The following CLDN10 variants were observed in gnomAD, a reference collection of about 807,000 sequenced individuals.
CLDN10 encodes the protein claudin 10.
Under a neutral mutation model 22.9 loss-of-function variants are expected in CLDN10, and 15 were observed. The observed-to-expected ratio is 0.65, with a 90% CI of 0.44 to 1.01. CLDN10 has a LOEUF of 1.01. CLDN10 is among the 50% of genes least tolerant of loss of function. The pLI is 0.00. For missense variants in CLDN10, 247 were observed against 287.8 expected, an observed-to-expected ratio of 0.86 and a Z score of 1.03; for synonymous variants, 114 against 111.4, an observed-to-expected ratio of 1.02 and a Z score of -0.15.
intron 1 of CLDN10, among the ~76,000 whole-genome samples, chr13:95,473,025 A>G (rs2042650906): frequency 1.3e-5 from 2 of 151,966 alleles, no homozygotes; most frequent in African/African-American, 4.8e-5. Context: ...CTGTGGTCCC[A>G]GCTACTCAAC....
At position 95,577,287 on chromosome 13, in the gene CLDN10, T is replaced by C. The variant is rs902998167; in HGVS notation, c.521T>C (p.Ile174Thr). Residue 174 changes from isoleucine (I) to threonine (T), a missense_variant, in exon 4 of 5, where the codon ATT (isoleucine) becomes ACT (threonine). Transcript: ENST00000299339. ...IGWAGASLCI[I>T]GGVIFCFSIS... ...TGGGCAGGAGCCTCACTGTGCATAA[T>C]TGGTGGTGTCATATTTTGCTTTTCA... 1.9e-6 allele frequency: 3 copies of C among 1,614,056 alleles called. No homozygotes were observed. Among genetic ancestry groups the C allele is most frequent in the African/African-American group, 1.3e-5 (1 of 74,924 alleles).
At chr13:95,554,902 A>G (rs1412584464) in intron 1 of CLDN10, among the ~76,000 whole-genome samples, 2 of 152,042 alleles carry the variant, frequency 1.3e-5, no homozygotes, top group Admixed American at 6.6e-5. Context: ...ATTTCTGTAG[A>G]CTCCATTCCA....
chr13:95,485,352 A>G (rs1201581441), intron 1 of CLDN10, among the ~76,000 whole-genome samples: 1 of 152,162 alleles, frequency 6.6e-6, no homozygotes, highest in Non-Finnish European at 1.5e-5. Flanking sequence ...GAGAACTTGC[A>G]GTTAATCCAT....
At chr13:95,463,679 G>A (rs752858113) in intron 1 of CLDN10, among the ~76,000 whole-genome samples, 2 of 151,996 alleles carry the variant, frequency 1.3e-5, no homozygotes, top group Non-Finnish European at 2.9e-5. Context: ...CACAGGTTTA[G>A]CCATGTGACA....
chr13:95,492,821 C>T lies in CLDN10; in HGVS notation c.214+58774C>T, dbSNP rs9671165. On this transcript the variant is annotated intron_variant, in intron 1 of 4. Coordinates refer to the CLDN10 transcript ENST00000376873. ...AGGCAGGAATGGGCTGCTTGGGGAC[C>T]CAACGAGCTCCCAGGACCTTTCTGC... is the stretch of plus-strand genomic sequence containing the variant. Among the ~76,000 whole-genome samples, 934 of 152,280 alleles carry T rather than the reference C, an allele frequency of 6.1e-3. 12 individuals are homozygous for T. The highest frequency in any genetic ancestry group is 0.021 in the African/African-American group (890 of 41,570).
intron 1 of CLDN10, among the ~76,000 whole-genome samples, chr13:95,546,340 G>A (rs1460360925): frequency 6.6e-6 from 1 of 152,070 alleles, no homozygotes; most frequent in African/African-American, 2.4e-5. Context: ...TCCAGAGCAA[G>A]TGACTTAATC....
chr13:95,558,451 T>C (rs1359283192), intron 1 of CLDN10, among the ~76,000 whole-genome samples: 1 of 152,256 alleles, frequency 6.6e-6, no homozygotes, highest in East Asian at 1.9e-4. Context: ...AGCCACGGTG[T>C]TAGTGAAATT....
intron 3 of CLDN10, among the ~76,000 whole-genome samples, chr13:95,565,462 G>T (rs2138668321): frequency 6.6e-6 from 1 of 152,012 alleles, no homozygotes; most frequent in East Asian, 1.9e-4. Context: ...TTTTTGTGTT[G>T]GGGTCTTATC....
chr13:95,537,585 A>T (rs1251042694), intron 1 of CLDN10, among the ~76,000 whole-genome samples: 1 of 152,244 alleles, frequency 6.6e-6, no homozygotes, highest in Non-Finnish European at 1.5e-5. Flanking sequence ...GTAATATACC[A>T]CAAGTTTCCC....
chr13:95,470,348 A>G (rs965551185), intron 1 of CLDN10, among the ~76,000 whole-genome samples: 1 of 152,140 alleles, frequency 6.6e-6, no homozygotes, highest in Non-Finnish European at 1.5e-5. Context: ...TCCTGGGCTC[A>G]AAGGACCTCC....
intron 1 of CLDN10, among the ~76,000 whole-genome samples, chr13:95,523,339 T>C (rs1234236598): frequency 1.3e-5 from 2 of 152,204 alleles, no homozygotes; most frequent in African/African-American, 4.8e-5. Context: ...GCTTGACCTA[T>C]ATGCAATTCT....
intron 1 of CLDN10, 127 bp from the exon 2 acceptor site, chr13:95,560,005 C>A: frequency 2.2e-6 from 2 of 891,134 alleles, no homozygotes; most frequent in Non-Finnish European, 1.7e-6. Flanking sequence ...GCTTGTCTTG[C>A]CACATGTTTT....
intron 1 of CLDN10, among the ~76,000 whole-genome samples, chr13:95,547,205 C>T (rs911765000): frequency 3.9e-5 from 6 of 151,942 alleles, no homozygotes; most frequent in African/African-American, 1.5e-4. Flanking sequence ...TAACTGTCCT[C>T]CAGTTTTATT....
intron 1 of CLDN10, among the ~76,000 whole-genome samples, chr13:95,511,850 A>G (rs1323214653): frequency 2.8e-5 from 2 of 70,274 alleles, no homozygotes; most frequent in South Asian, 1.1e-3. Context: ...TTCTCTTTTT[A>G]TTATTATTAT....
intron 1 of CLDN10, among the ~76,000 whole-genome samples, chr13:95,454,479 G>C (rs1298610254): frequency 6.6e-6 from 1 of 152,038 alleles, no homozygotes; most frequent in African/African-American, 2.4e-5. Context: ...GGAAGGAAAG[G>C]AAGGAAAAGC....
intron 1 of CLDN10, among the ~76,000 whole-genome samples, chr13:95,448,809 G>A (rs1310928103): frequency 6.6e-6 from 1 of 151,124 alleles, no homozygotes; most frequent in Non-Finnish European, 1.5e-5. Flanking sequence ...GCACGATCTC[G>A]GCTCACTGCA....
At chr13:95,548,595 A>G (rs2043533810), upstream of CLDN10, among the ~76,000 whole-genome samples, 1 of 152,232 alleles carries the variant, frequency 6.6e-6, no homozygotes, top group Non-Finnish European at 1.5e-5. Flanking sequence ...GTAGATTACA[A>G]ATATCATTGG....
At chr13:95,456,292 A>C (rs1165797757) in intron 1 of CLDN10, among the ~76,000 whole-genome samples, 1 of 152,196 alleles carries the variant, frequency 6.6e-6, no homozygotes, top group African/African-American at 2.4e-5. Context: ...GGGTTCTGCC[A>C]ACGCTGCTTT....
At chr13:95,561,760 C>T (rs113416072) in intron 3 of CLDN10, among the ~76,000 whole-genome samples, 2 of 144,924 alleles carry the variant, frequency 1.4e-5, no homozygotes, top group African/African-American at 5.0e-5. Context: ...AGGTTTCTTT[C>T]GTCCTTTTTT....
Sources: gnomAD v4.1 joint callset for allele counts (sites outside exome capture counted in the v4.1 genomes callset) on GRCh38, gnomAD v4.1.1 for gene constraint, MANE v1.5 for transcripts, NCBI Gene and HGNC (gene_info 2026-07-23, HGNC 2026-07-21) for gene names.